Variants in CAMK4 observed in about 807,000 individuals in gnomAD.
CAMK4 encodes the protein calcium/calmodulin-dependent protein kinase type IV.
In CAMK4, 22 loss-of-function variants were observed where a neutral mutation model predicts 44.9. The observed-to-expected ratio is 0.49, with a 90% confidence interval of 0.35 to 0.70. The LOEUF is 0.70. Among genes scored for constraint, CAMK4 ranks in the 30% least tolerant of loss-of-function variants. The pLI is 0.01. For synonymous variants in CAMK4, 218 were observed against 215.4 expected, an observed-to-expected ratio of 1.01 and a Z score of -0.11; for missense variants, 498 against 586.8, an observed-to-expected ratio of 0.85 and a Z score of 1.56.
At chr5:111,320,000 A>T (rs187866462) in intron 1 of CAMK4, among the ~76,000 whole-genome samples, 142 of 152,282 alleles carry the variant, frequency 9.3e-4, no homozygotes, top group African/African-American at 3.2e-3. Flanking sequence ...TTAACTTCCA[A>T]TGAGTCTAGG....
At chr5:111,335,902 C>T (rs559394225) in intron 1 of CAMK4, among the ~76,000 whole-genome samples, 2 of 150,568 alleles carry the variant, frequency 1.3e-5, no homozygotes, top group East Asian at 3.9e-4. Flanking sequence ...TGACAACTCT[C>T]TCTTTTTGTG....
In CAMK4 at chr5:111,377,004, T is replaced by C; in HGVS notation, c.386+62T>C. 7.1e-6 allele frequency: 7 copies of C among 982,386 alleles called. No individual in the cohort carries two copies. The East Asian group carries it at 1.7e-4, about 24-fold the overall frequency. 60.9% of individuals were successfully genotyped at this position (982,386 alleles called of 1,614,324 possible). On this transcript the variant is annotated intron_variant, in intron 4 of 10. Coordinates refer to ENST00000282356, the MANE Select transcript of CAMK4 (RefSeq NM_001744.6). The stretch of plus-strand genomic sequence containing the variant: ...TGCTTTTGGCCACCAAAAAATAATC[T>C]AAAGGACATTTCTCCTGAAACTTTT...
At chr5:111,345,285 C>T (rs143221503) in intron 2 of CAMK4, among the ~76,000 whole-genome samples, 1 of 151,954 alleles carries the variant, frequency 6.6e-6, no homozygotes, top group African/African-American at 2.4e-5. Context: ...GCACTTGCTA[C>T]TAATGAATTC....
intron 1 of CAMK4, among the ~76,000 whole-genome samples, chr5:111,300,277 T>G (rs1747664992): frequency 6.6e-6 from 1 of 152,158 alleles, no homozygotes; most frequent in Non-Finnish European, 1.5e-5. Context: ...ATGAGAGACA[T>G]AGACCACATT....
At chr5:111,458,823 C>G (rs1346830392) in intron 7 of CAMK4, among the ~76,000 whole-genome samples, 1 of 152,092 alleles carries the variant, frequency 6.6e-6, no homozygotes, top group Non-Finnish European at 1.5e-5. Flanking sequence ...GGCAAGAACA[C>G]ACCAGGTGTC....
chr5:111,440,246 T>C (rs1358624347), intron 5 of CAMK4, among the ~76,000 whole-genome samples: 1 of 152,152 alleles, frequency 6.6e-6, no homozygotes, highest in Non-Finnish European at 1.5e-5. Flanking sequence ...CAGGAGGGCA[T>C]GGGATGAGAT....
intron 5 of CAMK4, among the ~76,000 whole-genome samples, chr5:111,415,164 C>T (rs1011049011): frequency 6.6e-5 from 10 of 152,096 alleles, no homozygotes; most frequent in African/African-American, 1.4e-4. Context: ...TGGAAATAAA[C>T]GATTCATAAG....
At chr5:111,296,307 A>G (rs1440184249) in intron 1 of CAMK4, among the ~76,000 whole-genome samples, 1 of 152,234 alleles carries the variant, frequency 6.6e-6, no homozygotes, top group Non-Finnish European at 1.5e-5. Flanking sequence ...AAGTCTGTTA[A>G]TAACACCCCT....
At position 111,443,243 on chromosome 5, in the gene CAMK4, CATAT is replaced by C. The variant is rs1232548245; in HGVS notation, c.460-3409_460-3406del. ...GATATATTTAAATGCCTCCCCCTAC[CATAT>C]ATATATATATATATATATATATATA... is the stretch of plus-strand genomic sequence containing the variant. On this transcript the variant is annotated intron_variant, in intron 5 of 10. Transcript: ENST00000282356. Among the ~76,000 whole-genome samples the C allele has an allele frequency of 7.9e-3, 573 of 72,144 alleles. 6 individuals carry two copies. Among genetic ancestry groups the C allele is most frequent in the Admixed American group, 0.012 (62 of 4,982 alleles). 47.3% of individuals were successfully genotyped at this position (72,144 alleles called of 152,430 possible). A position where few individuals can be genotyped will look rare whatever the true frequency, so the allele number is the denominator to read the frequency against.
intron 4 of CAMK4, among the ~76,000 whole-genome samples, chr5:111,394,029 A>G (rs1321114142): frequency 6.7e-6 from 1 of 149,878 alleles, no homozygotes; most frequent in Non-Finnish European, 1.5e-5. Context: ...TGGCGGGGGG[A>G]AGAGAGAGAG....
chr5:111,225,287 G>T (rs371333452), intron 1 of CAMK4, among the ~76,000 whole-genome samples: 6 of 152,220 alleles, frequency 3.9e-5, no homozygotes, highest in African/African-American at 1.4e-4. Flanking sequence ...TTCTTTCATG[G>T]GCTGGAGTGA....
chr5:111,368,085 T>C (rs1444913513), intron 2 of CAMK4, among the ~76,000 whole-genome samples: 3 of 152,092 alleles, frequency 2.0e-5, no homozygotes, highest in Non-Finnish European at 4.4e-5. Context: ...CAAGTTAAGA[T>C]TTTAGTAAAA....
chr5:111,486,701 T>C lies in CAMK4; in HGVS notation c.*2235T>C, dbSNP rs774283262. 1.3e-5 allele frequency: 2 copies of C among 152,136 alleles called. No homozygotes were observed. The highest frequency in any genetic ancestry group is 2.9e-5 in the Non-Finnish European group (2 of 68,018). The allele number at this position is 152,136 out of a possible 1,614,324, so 9.4% of individuals were successfully genotyped here. On this transcript the variant is annotated 3_prime_UTR_variant, in exon 11 of 11. Coordinates refer to ENST00000282356, the MANE Select transcript of CAMK4 (RefSeq NM_001744.6). ...AACACTAGAGTAGGGCGGACTGCAT[T>C]GTTTGGCCCTGAGAACTATAGAAAC...
At chr5:111,448,256 A>T (rs1754097645) in intron 6 of CAMK4, among the ~76,000 whole-genome samples, 1 of 152,244 alleles carries the variant, frequency 6.6e-6, no homozygotes, top group Non-Finnish European at 1.5e-5. Context: ...AAAATCTTAT[A>T]GTCTTCTTAT....
Position 111,374,862 on chromosome 5 carries a change from A to G in CAMK4, c.253A>G (p.Ile85Val), listed in dbSNP as rs893058549. The change falls in exon 3 of 11, where the codon ATC (isoleucine) becomes GTC (valine). Residue 85 changes from isoleucine to valine, a missense_variant. Coordinates refer to ENST00000282356, the MANE Select transcript of CAMK4 (RefSeq NM_001744.6). ...TTTTGCCTTTTAGGTGGACAAAAAAATCGTAAGAACTGAGATAGGAGTTCT... is the reference window on the plus strand; with the variant it reads ...TTTTGCCTTTTAGGTGGACAAAAAAGTCGTAAGAACTGAGATAGGAGTTCT... ...KVLKKTVDKK[I>V]VRTEIGVLLR... The G allele has an allele frequency of 1.9e-6, 3 of 1,610,852 alleles. No homozygotes were observed. In the African/African-American group the frequency reaches 4.0e-5, roughly 22 times the overall value.
At chr5:111,398,092 C>T (rs1752087440) in intron 5 of CAMK4, among the ~76,000 whole-genome samples, 1 of 152,202 alleles carries the variant, frequency 6.6e-6, no homozygotes, top group Non-Finnish European at 1.5e-5. Context: ...GCTTTTTTCT[C>T]ATCACCTGCT....
intron 1 of CAMK4, among the ~76,000 whole-genome samples, chr5:111,247,156 C>T (rs1437557497): frequency 1.3e-5 from 2 of 151,610 alleles, no homozygotes; most frequent in African/African-American, 4.8e-5. Context: ...ATATCAGCTA[C>T]TACTGATATG....
intron 5 of CAMK4, among the ~76,000 whole-genome samples, chr5:111,397,334 A>G (rs760041255): frequency 6.6e-6 from 1 of 152,238 alleles, no homozygotes; most frequent in African/African-American, 2.4e-5. Context: ...AATCATAGCA[A>G]TGTTCATAAA....
At chr5:111,442,018 TA>T (rs907962258) in intron 5 of CAMK4, among the ~76,000 whole-genome samples, 10 of 152,288 alleles carry the variant, frequency 6.6e-5, no homozygotes, top group African/African-American at 2.4e-4. Context: ...GTATTTCATT[TA>T]AAAATCAGTT....
Sources: gnomAD v4.1 joint callset for allele counts (sites outside exome capture counted in the v4.1 genomes callset) on GRCh38, gnomAD v4.1.1 for gene constraint, MANE v1.5 for transcripts, NCBI Gene and HGNC (gene_info 2026-07-23, HGNC 2026-07-21) for gene names.